The following ADAMTS17 variants were observed in gnomAD, a reference collection of about 807,000 sequenced individuals.
ADAMTS17 encodes A disintegrin and metalloproteinase with thrombospondin motifs 17.
ADAMTS17 carries 113 observed loss-of-function variants against 141.5 expected under a neutral mutation model. The ratio of observed to expected loss-of-function variants is 0.80; its 90% CI spans 0.69 to 0.93. ADAMTS17 has a LOEUF of 0.93. Ranked by LOEUF, ADAMTS17 falls within the 40% of genes least tolerant of loss-of-function variation. The probability of loss-of-function intolerance (pLI) is 0.00; values close to 1 mark genes in which losing one functional copy is unlikely to be tolerated. For synonymous variants in ADAMTS17, 768 were observed against 630.6 expected (o/e 1.22, Z -3.27); for missense variants, 1,659 against 1,517.9 (o/e 1.09, Z -1.54).
chr15:100,225,031 C>A (rs1184262739), intron 7 of ADAMTS17, among the ~76,000 whole-genome samples: 2 of 152,206 alleles, frequency 1.3e-5, no homozygotes, highest in Non-Finnish European at 2.9e-5. Flanking sequence ...TTGCTAGAAC[C>A]AAGTCCTCCC....
chr15:100,046,680 A>G (rs2031711978), intron 18 of ADAMTS17, among the ~76,000 whole-genome samples: 1 of 152,184 alleles, frequency 6.6e-6, no homozygotes, highest in African/African-American at 2.4e-5. Flanking sequence ...AATTGTGAAG[A>G]TTTCATGGAC....
chr15:100,117,801 A>G (rs981636296), intron 12 of ADAMTS17, among the ~76,000 whole-genome samples: 1 of 152,202 alleles, frequency 6.6e-6, no homozygotes, highest in Non-Finnish European at 1.5e-5. Context: ...CAAGGTCATC[A>G]TGATGGAATA....
chr15:100,103,379 G>A (rs1292551738), intron 14 of ADAMTS17, among the ~76,000 whole-genome samples: 1 of 152,154 alleles, frequency 6.6e-6, no homozygotes, highest in African/African-American at 2.4e-5. Context: ...TGCTTTACCT[G>A]GGGGTCCTCT....
At chr15:100,297,028 C>T (rs1257674397) in intron 3 of ADAMTS17, among the ~76,000 whole-genome samples, 3 of 152,026 alleles carry the variant, frequency 2.0e-5, no homozygotes, top group Non-Finnish European at 4.4e-5. Flanking sequence ...TAAGGAGGGG[C>T]CCTAATTTAC....
intron 14 of ADAMTS17, among the ~76,000 whole-genome samples, chr15:100,096,708 G>A (rs113880472): frequency 5.0e-5 from 1 of 19,860 alleles, no homozygotes; most frequent in East Asian, 1.8e-3. Flanking sequence ...CTATTTTTTG[G>A]TATTTGTTCT....
intron 7 of ADAMTS17, among the ~76,000 whole-genome samples, chr15:100,200,274 G>A (rs1258276098): frequency 1.3e-5 from 2 of 152,192 alleles, no homozygotes; most frequent in East Asian, 1.9e-4. Context: ...CTGCAGGAGG[G>A]GCAGGTGTTT....
chr15:100,035,230 C>A (rs2030590302), intron 18 of ADAMTS17, among the ~76,000 whole-genome samples: 1 of 152,202 alleles, frequency 6.6e-6, no homozygotes, highest in South Asian at 2.1e-4. Context: ...CTCTGACAGG[C>A]AGTCCTGAAT....
intron 3 of ADAMTS17, among the ~76,000 whole-genome samples, chr15:100,304,674 G>A (rs866169747): frequency 2.0e-5 from 3 of 151,994 alleles, no homozygotes; most frequent in East Asian, 1.9e-4. Flanking sequence ...TATTCTCATC[G>A]CTAATTCAAA....
At chr15:100,292,087 C>CT in intron 3 of ADAMTS17, among the ~76,000 whole-genome samples, 1 of 102,908 alleles carries the variant, frequency 9.7e-6, no homozygotes, top group East Asian at 3.2e-4. Flanking sequence ...CGTGGGGAGT[C>CT]ATGAGAGACG....
chr15:100,128,199 AAGG>A (rs2037843898), intron 12 of ADAMTS17: 1 of 152,238 alleles, frequency 6.6e-6, no homozygotes, highest in Admixed American at 6.5e-5. Context: ...TGAGAGAACA[AAGG>A]GGAGCTGGTG....
rs894899657 is a variant in ADAMTS17 at position 99,993,702 on chromosome 15, A to C, written c.2797-502T>G. Among the ~76,000 whole-genome samples, 29 of 152,258 alleles carry C rather than the reference A, an allele frequency of 1.9e-4. No homozygotes were observed. The highest frequency in any genetic ancestry group is 7.2e-4 in the Admixed American group (11 of 15,300). ...CGATCCAGCCGGGAGAAGGAGGAGGAGGCGGCAGAAGGAAGGAAAAGCCAC... is the reference window on the plus strand; with the variant it reads ...CGATCCAGCCGGGAGAAGGAGGAGGCGGCGGCAGAAGGAAGGAAAAGCCAC... On this transcript the variant is annotated intron_variant, in intron 19 of 21. Transcript: ENST00000268070. The surrounding 1 kb of genome is among the most constrained non-coding windows in gnomAD (Gnocchi z 4.3).
At chr15:100,270,147 GACTCT>G (rs2043854085) in intron 4 of ADAMTS17, among the ~76,000 whole-genome samples, 1 of 151,934 alleles carries the variant, frequency 6.6e-6, no homozygotes, top group African/African-American at 2.4e-5. Context: ...TTTCTTCTGT[GACTCT>G]GGAGCCATTT....
intron 7 of ADAMTS17, among the ~76,000 whole-genome samples, chr15:100,233,561 C>T (rs2141858720): frequency 6.6e-6 from 1 of 152,216 alleles, no homozygotes; most frequent in African/African-American, 2.4e-5. Context: ...AAACTCATTG[C>T]ATCTCTCATG....
intron 15 of ADAMTS17, chr15:100,063,854 CCA>C: frequency 1.2e-6 from 1 of 839,762 alleles, no homozygotes; most frequent in Non-Finnish European, 1.7e-6. Context: ...ACCAAGCCCC[CCA>C]CAGTGGCTTC....
intron 3 of ADAMTS17, among the ~76,000 whole-genome samples, chr15:100,286,183 C>T (rs556930903): frequency 1.9e-4 from 29 of 152,272 alleles, no homozygotes; most frequent in Admixed American, 1.6e-3. Flanking sequence ...ACTGCTTTGC[C>T]GGCACACACG....
At chr15:100,020,103 G>C (rs958936467) in intron 18 of ADAMTS17, among the ~76,000 whole-genome samples, 5 of 152,200 alleles carry the variant, frequency 3.3e-5, no homozygotes, top group Non-Finnish European at 5.9e-5. Context: ...AACCAAGTAG[G>C]CTGCAGAAAA....
intron 6 of ADAMTS17, among the ~76,000 whole-genome samples, chr15:100,254,879 A>T (rs2043273207): frequency 6.6e-6 from 1 of 152,160 alleles, no homozygotes; most frequent in African/African-American, 2.4e-5. Context: ...CAGCATGAGG[A>T]AGAATAGCTA....
intron 3 of ADAMTS17, among the ~76,000 whole-genome samples, chr15:100,319,049 G>C (rs1387556600): frequency 6.6e-6 from 1 of 152,272 alleles, no homozygotes; most frequent in Non-Finnish European, 1.5e-5. Flanking sequence ...GAGATGACAT[G>C]TGCACTTGTG....
chr15:100,284,812 T>C (rs75464690), intron 3 of ADAMTS17, among the ~76,000 whole-genome samples: 4 of 152,160 alleles, frequency 2.6e-5, no homozygotes, highest in Non-Finnish European at 5.9e-5. Context: ...ACTTCAAAAG[T>C]AAGAAGAAAA....
Sources: allele counts gnomAD v4.1 joint callset (sites outside exome capture counted in the v4.1 genomes callset), GRCh38; gene constraint gnomAD v4.1.1; non-coding constraint Gnocchi (gnomAD v3.1); transcripts MANE v1.5; gene names NCBI Gene and HGNC (gene_info 2026-07-23, HGNC 2026-07-21).